Variants in PPHLN1 observed in about 807,000 individuals in gnomAD.
The protein encoded by PPHLN1 is periphilin-1.
In PPHLN1, 29 loss-of-function variants were observed where a neutral mutation model predicts 51.3. The observed-to-expected ratio is 0.57, with a 90% CI of 0.42 to 0.77. The LOEUF is 0.77. Ranked by LOEUF, PPHLN1 falls within the 30% of genes least tolerant of loss-of-function variation. The probability of loss-of-function intolerance (pLI) is 0.00; values close to 1 mark genes in which losing one functional copy is unlikely to be tolerated. For missense variants in PPHLN1, 436 were observed against 438.4 expected (o/e 0.99, Z 0.05); for synonymous variants, 147 against 147.8 (o/e 0.99, Z 0.04).
intron 6 of PPHLN1, among the ~76,000 whole-genome samples, chr12:42,385,895 A>G (rs1283936299): frequency 3.3e-5 from 5 of 152,226 alleles, no homozygotes; most frequent in Admixed American, 6.5e-5. Context: ...CTATCACACT[A>G]TGATGTGAAA....
At chr12:42,327,842 T>C (rs1366187258) in intron 1 of PPHLN1, among the ~76,000 whole-genome samples, 1 of 152,218 alleles carries the variant, frequency 6.6e-6, no homozygotes, top group African/African-American at 2.4e-5. Flanking sequence ...GCAGTTAACG[T>C]TAATGAATAC....
chr12:42,444,631 A>G (rs1346889400), downstream of PPHLN1: 1 of 164,224 alleles, frequency 6.1e-6, no homozygotes, highest in Non-Finnish European at 1.3e-5. Flanking sequence ...GGATGATGCC[A>G]TCAGTTGCTA....
At chr12:42,401,833 A>G (rs537729397) in intron 9 of PPHLN1, among the ~76,000 whole-genome samples, 5 of 151,892 alleles carry the variant, frequency 3.3e-5, no homozygotes, top group African/African-American at 1.2e-4. Context: ...TACCATTTTG[A>G]GGTGTTTTTT....
intron 4 of PPHLN1, among the ~76,000 whole-genome samples, chr12:42,365,193 A>G (rs1025304993): frequency 6.6e-6 from 1 of 152,158 alleles, no homozygotes; most frequent in Non-Finnish European, 1.5e-5. Flanking sequence ...AAAATAAAAG[A>G]TATTTGAGGT....
At chr12:42,399,393 T>C (rs1464664573) in intron 9 of PPHLN1, 2 of 894,924 alleles carry the variant, frequency 2.2e-6, no homozygotes, top group Non-Finnish European at 2.7e-6. Flanking sequence ...TTCCAAATAT[T>C]AAAGGAAAAA....
chr12:42,334,061 G>A (rs2070221980), intron 1 of PPHLN1, among the ~76,000 whole-genome samples: 1 of 151,922 alleles, frequency 6.6e-6, no homozygotes, highest in Non-Finnish European at 1.5e-5. Flanking sequence ...CTATTTCTCT[G>A]TACTGTATCT....
intron 2 of PPHLN1, among the ~76,000 whole-genome samples, chr12:42,341,036 A>G (rs1408792637): frequency 7.1e-6 from 1 of 140,842 alleles, no homozygotes; most frequent in Non-Finnish European, 1.5e-5. Context: ...GTTGGAGTGC[A>G]GTGGCATGAT....
At position 42,413,524 on chromosome 12, in the gene PPHLN1, ATATGTGTGTG is replaced by A. The variant is rs1243070627; in HGVS notation, c.909+14532_909+14541del. Among the ~76,000 whole-genome samples, 760 of 119,104 alleles carry A rather than the reference ATATGTGTGTG, an allele frequency of 6.4e-3. 16 individuals carry two copies. The highest frequency in any genetic ancestry group is 0.037 in the Admixed American group (406 of 11,052). 78.1% of individuals were successfully genotyped at this position (119,104 alleles called of 152,430 possible). A position where few individuals can be genotyped will look rare whatever the true frequency, so the allele number is the denominator to read the frequency against. On this transcript the variant is annotated intron_variant, in intron 9 of 9. Coordinates refer to ENST00000358314, the MANE Select transcript of PPHLN1 (RefSeq NM_201439.2). ...GCTGTTTTGATAACTATATATATGT[ATATGTGTGTG>A]TGTGTGTGTGTGTGTGTGTGTGTGT... is the stretch of plus-strand genomic sequence containing the variant.
chr12:42,370,613 T>C (rs1213789665), intron 4 of PPHLN1, among the ~76,000 whole-genome samples: 1 of 152,320 alleles, frequency 6.6e-6, no homozygotes, highest in African/African-American at 2.4e-5. Context: ...TCCCCTTTTA[T>C]AGTGAATTGG....
intron 1 of PPHLN1, among the ~76,000 whole-genome samples, chr12:42,330,951 C>T (rs987089534): frequency 2.6e-5 from 4 of 152,166 alleles, no homozygotes; most frequent in African/African-American, 9.7e-5. Context: ...CCTTGTGATC[C>T]GCGCGCCTCG....
At chr12:42,372,330 C>G (rs1337052049) in intron 4 of PPHLN1, among the ~76,000 whole-genome samples, 2 of 152,128 alleles carry the variant, frequency 1.3e-5, no homozygotes, top group Non-Finnish European at 2.9e-5. Context: ...GTGTATCCTG[C>G]CACCTTAGGC....
At chr12:42,414,682 A>G (rs1357805330) in intron 9 of PPHLN1, among the ~76,000 whole-genome samples, 1 of 152,126 alleles carries the variant, frequency 6.6e-6, no homozygotes, top group Non-Finnish European at 1.5e-5. Context: ...CTTTTGGAGG[A>G]GTCTTCAACG....
intron 1 of PPHLN1, among the ~76,000 whole-genome samples, chr12:42,328,945 C>T (rs1406486294): frequency 6.6e-6 from 1 of 152,146 alleles, no homozygotes; most frequent in Admixed American, 6.6e-5. Context: ...AACTCTCAAC[C>T]TCAAATGATC....
intron 6 of PPHLN1, among the ~76,000 whole-genome samples, chr12:42,385,230 A>G (rs1418920537): frequency 6.6e-6 from 1 of 152,202 alleles, no homozygotes; most frequent in Non-Finnish European, 1.5e-5. Flanking sequence ...TGTAGAATAG[A>G]CAGGCCATTG....
intron 7 of PPHLN1, among the ~76,000 whole-genome samples, chr12:42,391,490 C>T (rs975597292): frequency 1.3e-5 from 2 of 152,046 alleles, no homozygotes; most frequent in Non-Finnish European, 2.9e-5. Context: ...GTGATCCGCC[C>T]GCCTCAGCCT....
downstream of PPHLN1, chr12:42,442,863 C>T: frequency 6.9e-7 from 1 of 1,450,832 alleles, no homozygotes. Flanking sequence ...GAAACAACTG[C>T]TTAAAGCTAG....
chr12:42,435,406 G>GT (rs1423821680), intron 9 of PPHLN1, among the ~76,000 whole-genome samples: 2 of 152,322 alleles, frequency 1.3e-5, no homozygotes, highest in East Asian at 3.9e-4. Flanking sequence ...TTTAGGAGCT[G>GT]TGTTTTTAAG....
At chr12:42,350,030 G>A (rs1186199697) in intron 2 of PPHLN1, among the ~76,000 whole-genome samples, 1 of 150,144 alleles carries the variant, frequency 6.7e-6, no homozygotes, top group African/African-American at 2.5e-5. Flanking sequence ...GCCGGGCAGA[G>A]GCGCCCCCCA....
intron 5 of PPHLN1, among the ~76,000 whole-genome samples, chr12:42,378,719 T>C (rs2076516081): frequency 6.6e-6 from 1 of 152,170 alleles, no homozygotes; most frequent in Admixed American, 6.5e-5. Flanking sequence ...TTTCCCATTT[T>C]GTGCTCACAT....
Sources: gnomAD v4.1 joint callset for allele counts (sites outside exome capture counted in the v4.1 genomes callset) on GRCh38, gnomAD v4.1.1 for gene constraint, MANE v1.5 for transcripts, NCBI Gene and HGNC (gene_info 2026-07-23, HGNC 2026-07-21) for gene names.